Variants in KCNIP4 observed in about 807,000 individuals in gnomAD.
KCNIP4 encodes Kv channel-interacting protein 4.
Under a neutral mutation model 34.0 loss-of-function variants are expected in KCNIP4, and 12 were observed. The observed-to-expected ratio is 0.35, with a 90% CI of 0.23 to 0.57. The LOEUF (loss-of-function observed/expected upper bound fraction) is 0.57. KCNIP4 is among the 20% of genes least tolerant of loss of function. KCNIP4 has a pLI of 0.83. For synonymous variants in KCNIP4, 124 were observed against 102.2 expected (o/e 1.21, Z -1.29); for missense variants, 238 against 311.7 (o/e 0.76, Z 1.78).
intron 1 of KCNIP4, among the ~76,000 whole-genome samples, chr4:21,400,500 T>TCTCCTCTCCTCTCTTCTCCAC: frequency 1.9e-5 from 2 of 103,300 alleles, no homozygotes; most frequent in South Asian, 7.4e-4. Flanking sequence ...CTCCCCTCCC[T>TCTCCTCTCCTCTCTTCTCCAC]TCCCCTCCCT....
chr4:21,125,590 G>C (rs1486683101), intron 1 of KCNIP4, among the ~76,000 whole-genome samples: 1 of 152,114 alleles, frequency 6.6e-6, no homozygotes. Flanking sequence ...GGTAGAGTTA[G>C]AGCAATTGCA....
intron 1 of KCNIP4, among the ~76,000 whole-genome samples, chr4:21,456,700 C>T (rs2109761093): frequency 6.6e-6 from 1 of 151,014 alleles, no homozygotes; most frequent in Non-Finnish European, 1.5e-5. Context: ...GTCAGCTAGC[C>T]TGATCCAGCC....
intron 1 of KCNIP4, among the ~76,000 whole-genome samples, chr4:21,806,620 C>T (rs1416809980): frequency 6.6e-6 from 1 of 152,154 alleles, no homozygotes; most frequent in Admixed American, 6.5e-5. Flanking sequence ...TACAACTGTG[C>T]ATAAATGCAC....
chr4:21,295,437 A>G (rs1763781607), intron 1 of KCNIP4, among the ~76,000 whole-genome samples: 2 of 152,166 alleles, frequency 1.3e-5, no homozygotes, highest in Admixed American at 6.5e-5. Flanking sequence ...AGTAACAAAC[A>G]GTAAGTTCTA....
intron 1 of KCNIP4, among the ~76,000 whole-genome samples, chr4:21,871,030 T>C (rs1158631109): frequency 6.6e-6 from 1 of 151,310 alleles, no homozygotes; most frequent in Admixed American, 6.6e-5. Context: ...AAAAATTCTC[T>C]CCTTGACTAA....
chr4:21,102,886 T>C (rs900033959), intron 1 of KCNIP4, among the ~76,000 whole-genome samples: 3 of 152,202 alleles, frequency 2.0e-5, no homozygotes, highest in African/African-American at 7.2e-5. Flanking sequence ...TTCACTTTGT[T>C]TCCTTTCTGG....
At chr4:21,872,093 C>T (rs1725855192) in intron 1 of KCNIP4, among the ~76,000 whole-genome samples, 1 of 151,960 alleles carries the variant, frequency 6.6e-6, no homozygotes, top group South Asian at 2.1e-4. Context: ...GCTTAAGTGT[C>T]CTATCAGCTG....
Position 20,926,925 on chromosome 4 carries a change from G to T in KCNIP4, c.62-44216C>A, listed in dbSNP as rs368314912. Among the ~76,000 whole-genome samples the T allele has an allele frequency of 9.8e-5, 15 of 152,306 alleles. No individual in the cohort carries two copies. The East Asian group carries it at 1.3e-3, about 14-fold the overall frequency. On this transcript the variant is annotated intron_variant, in intron 1 of 8. Transcript: ENST00000382152. Reference sequence around the variant, plus strand: ...ACCTCTCTAAACAAAGCAAGAAACTGTAAAATCCACAATTAGTATCATGAA... The same window carrying T: ...ACCTCTCTAAACAAAGCAAGAAACTTTAAAATCCACAATTAGTATCATGAA...
Position 21,328,956 on chromosome 4 carries a change from C to G in KCNIP4, c.62-446247G>C, listed in dbSNP as rs567453765. ...TGGTAAATGCTGCTGGGCCATGACT[C>G]TCCATTCAGGGCAGTGGGCTCTAGC... On this transcript the variant is annotated intron_variant, in intron 1 of 8. Transcript: ENST00000382152. 1.4e-3 allele frequency among the ~76,000 whole-genome samples: 219 copies of G among 152,360 alleles called. 2 individuals are homozygous for G. The highest frequency in any genetic ancestry group is 5.1e-3 in the African/African-American group (213 of 41,592).
chr4:21,914,052 G>A (rs1012401934), intron 1 of KCNIP4, among the ~76,000 whole-genome samples: 1 of 152,112 alleles, frequency 6.6e-6, no homozygotes, highest in Non-Finnish European at 1.5e-5. Flanking sequence ...AGAGGCCACC[G>A]CATGAAACAA....
intron 1 of KCNIP4, among the ~76,000 whole-genome samples, chr4:21,315,580 C>G (rs1368699260): frequency 6.6e-6 from 1 of 152,146 alleles, no homozygotes; most frequent in African/African-American, 2.4e-5. Context: ...TAAAGGTCAA[C>G]TGCCCTTAAA....
chr4:21,391,906 G>T (rs114242171), intron 1 of KCNIP4, among the ~76,000 whole-genome samples: 1 of 152,120 alleles, frequency 6.6e-6, no homozygotes, highest in Non-Finnish European at 1.5e-5. Flanking sequence ...GACATAGTCC[G>T]GTCCCTGACA....
intron 1 of KCNIP4, among the ~76,000 whole-genome samples, chr4:21,252,992 G>A (rs1760825541): frequency 6.6e-6 from 1 of 152,078 alleles, no homozygotes; most frequent in African/African-American, 2.4e-5. Context: ...AAGGGATGCT[G>A]AGAAAGTCCA....
chr4:20,946,682 C>T (rs953771578), intron 1 of KCNIP4, among the ~76,000 whole-genome samples: 3 of 152,160 alleles, frequency 2.0e-5, no homozygotes, highest in African/African-American at 7.2e-5. Flanking sequence ...AGGTTTTTAT[C>T]AAATTCTTAT....
chr4:21,132,260 T>C (rs192061475), intron 1 of KCNIP4, among the ~76,000 whole-genome samples: 1 of 152,346 alleles, frequency 6.6e-6, no homozygotes, highest in East Asian at 1.9e-4. Flanking sequence ...TATCACTTAC[T>C]ATTAAAAGTT....
At chr4:20,731,695 A>C (rs1560403111) in intron 8 of KCNIP4, 1 of 985,332 alleles carries the variant, frequency 1.0e-6, no homozygotes, top group Non-Finnish European at 1.2e-6. Flanking sequence ...TTTGGCAAAG[A>C]GCAATTCAAA....
chr4:21,611,390 C>T (rs1044880122), intron 1 of KCNIP4, among the ~76,000 whole-genome samples: 4 of 152,106 alleles, frequency 2.6e-5, no homozygotes, highest in African/African-American at 9.7e-5. Context: ...AACTCACTCA[C>T]CATCTCAAGA....
At chr4:21,702,522 A>T (rs1983083) in intron 1 of KCNIP4, among the ~76,000 whole-genome samples, 68,413 of 152,040 alleles carry the variant, frequency 0.45, 18,586 homozygotes, top group Non-Finnish European at 0.61. Flanking sequence ...TCCTTAAAAA[A>T]TACAAACTAA....
intron 6 of KCNIP4, among the ~76,000 whole-genome samples, chr4:20,734,019 C>T (rs1749001706): frequency 6.6e-6 from 1 of 152,188 alleles, no homozygotes. Context: ...AGGACATAGG[C>T]ACACTGAGAA....
Sources: gnomAD v4.1 joint callset for allele counts (sites outside exome capture counted in the v4.1 genomes callset) on GRCh38, gnomAD v4.1.1 for gene constraint, MANE v1.5 for transcripts, NCBI Gene and HGNC (gene_info 2026-07-23, HGNC 2026-07-21) for gene names.